The following SNX31 variants were observed in gnomAD, a reference collection of about 807,000 sequenced individuals.
SNX31 encodes sorting nexin 31, also known as sorting nexin-31.
Under a neutral mutation model 65.4 loss-of-function variants are expected in SNX31, and 58 were observed. The observed-to-expected ratio is 0.89, with a 90% CI of 0.72 to 1.10. The LOEUF (loss-of-function observed/expected upper bound fraction) is 1.10. Ranked by LOEUF, SNX31 falls within the 50% of genes least tolerant of loss-of-function variation. SNX31 has a pLI of 0.00. For missense variants in SNX31, 523 were observed against 529.7 expected, an observed-to-expected ratio of 0.99 and a Z score of 0.12; for synonymous variants, 181 against 190.1, an observed-to-expected ratio of 0.95 and a Z score of 0.39.
In SNX31 at chr8:100,615,832, C is replaced by T. The variant is rs563661041; in HGVS notation, c.432+1788G>A. On this transcript the variant is annotated intron_variant, in intron 5 of 13. Transcript: ENST00000311812. ...TCGCCCAGGCTGGAGTGCAGTGGCGCGATCTCGGCTCACTGCAAGCTCCGC... is the reference window on the plus strand; with the variant it reads ...TCGCCCAGGCTGGAGTGCAGTGGCGTGATCTCGGCTCACTGCAAGCTCCGC... Among the ~76,000 whole-genome samples, 9 of 152,254 alleles carry T rather than the reference C, an allele frequency of 5.9e-5. No homozygotes were observed. The East Asian group carries it at 1.3e-3, about 23-fold the overall frequency.
chr8:100,618,420 T>C lies in SNX31; in HGVS notation c.322-690A>G, dbSNP rs192853079. 40 of 1,060,240 alleles carry C rather than the reference T, an allele frequency of 3.8e-5. No homozygotes were observed. In the African/African-American group the frequency reaches 4.8e-4, roughly 13 times the overall value. 65.7% of individuals were successfully genotyped at this position (1,060,240 alleles called of 1,614,324 possible). ...TGGGTGGGGGCAGGGGGAAGGTGTTTCCATGTAGCAACCAATTCTCCAGTT... is the reference window on the plus strand; with the variant it reads ...TGGGTGGGGGCAGGGGGAAGGTGTTCCCATGTAGCAACCAATTCTCCAGTT... On this transcript the variant is annotated intron_variant, in intron 4 of 13. Coordinates refer to ENST00000311812, the MANE Select transcript of SNX31 (RefSeq NM_152628.4).
At chr8:100,581,142 A>AG (rs1181844029) in intron 12 of SNX31, among the ~76,000 whole-genome samples, 2 of 151,134 alleles carry the variant, frequency 1.3e-5, no homozygotes, top group African/African-American at 4.9e-5. Context: ...CAAAAAAAAA[A>AG]AAAAAAATTA....
Position 100,649,494 on chromosome 8 carries a change from G to T in SNX31, c.21C>A (p.Ile7=). 6.3e-7 allele frequency: 1 copy of T among 1,578,450 alleles called. No homozygotes were observed. Among genetic ancestry groups the T allele is most frequent in the South Asian group, 1.2e-5 (1 of 86,340 alleles). The change falls in exon 1 of 14, where the codon ATC becomes ATA. Residue 7 remains isoleucine, a synonymous_variant. Transcript: ENST00000311812. ...CGTCGGACCGCTGCTGGGACACCGGGATACAGAAATGCATCTTCATGGCTG... is the reference window on the plus strand; with the variant it reads ...CGTCGGACCGCTGCTGGGACACCGGTATACAGAAATGCATCTTCATGGCTG... MKMHFC[I]PVSQQRSDAL...
Position 100,588,277 on chromosome 8 carries a change from G to A in SNX31, c.1092+589C>T, listed in dbSNP as rs1054032031. ...AAATCTGCAATTGGAAACAATTCTG[G>A]TGCTAAGCATTTGGGATAAGGGATA... On this transcript the variant is annotated intron_variant, in intron 11 of 13. Coordinates refer to ENST00000311812, the MANE Select transcript of SNX31 (RefSeq NM_152628.4). The surrounding 1 kb of genome is among the most constrained non-coding windows in gnomAD (Gnocchi z 4.8). Among the ~76,000 whole-genome samples the A allele has an allele frequency of 3.9e-5, 6 of 152,148 alleles. No individual in the cohort carries two copies. Among genetic ancestry groups the A allele is most frequent in the Non-Finnish European group, 7.4e-5 (5 of 68,016 alleles).
At chr8:100,586,504 G>A (rs1462897300) in intron 11 of SNX31, among the ~76,000 whole-genome samples, 1 of 152,146 alleles carries the variant, frequency 6.6e-6, no homozygotes, top group African/African-American at 2.4e-5. Flanking sequence ...CTACTGCCTA[G>A]ATTGAAAAAT....
At chr8:100,662,843 A>C (rs1190755464) in intron 1 of SNX31, among the ~76,000 whole-genome samples, 1 of 152,232 alleles carries the variant, frequency 6.6e-6, no homozygotes, top group East Asian at 1.9e-4. Flanking sequence ...TGCTAGAAAT[A>C]TTTGTTCCCA....
rs752425672 is a variant in SNX31, at chr8:100,573,926, C to CTTTTTTTTTTTT, written c.1261_1262insAAAAAAAAAAAA (p.Lys420_Ser421insLysLysLysLys). The stretch of plus-strand genomic sequence containing the variant: ...GTCATCTTTAGCTATCTTAATCTTG[C>CTTTTTTTTTTTT]TTTTTCTTGATAGAAAACTAGAATA... On this transcript the variant is annotated inframe_insertion, in exon 14 of 14. Transcript: ENST00000311812. The CTTTTTTTTTTTT allele has an allele frequency of 1.3e-6, 2 of 1,587,006 alleles. No individual in the cohort carries two copies. The highest frequency in any genetic ancestry group is 2.3e-5 in the East Asian group (1 of 42,846).
rs747553446 is a variant in SNX31 at position 100,613,131 on chromosome 8, C to T, written c.433-46G>A. On this transcript the variant is annotated intron_variant, in intron 5 of 13. Transcript: ENST00000311812. This position sits in a 1 kb window ranked among gnomAD's most constrained non-coding sequence, Gnocchi z 5.2. ...AAAGGGAAAAAGTTAGGTGTGCCCA[C>T]CATGCATCCTAACTGTGACATGCAG... The T allele has an allele frequency of 1.1e-4, 166 of 1,453,740 alleles. No individual in the cohort carries two copies. Among genetic ancestry groups the T allele is most frequent in the Non-Finnish European group, 1.5e-4 (151 of 1,034,782 alleles). The allele number at this position is 1,453,740 out of a possible 1,614,324, so 90.1% of individuals were successfully genotyped here.
At chr8:100,637,029 C>T (rs1465582176) in intron 2 of SNX31, among the ~76,000 whole-genome samples, 1 of 152,092 alleles carries the variant, frequency 6.6e-6, no homozygotes, top group Non-Finnish European at 1.5e-5. Flanking sequence ...CCGGGTGACT[C>T]ACATTATATT....
At chr8:100,597,236 G>T (rs904810598) in intron 9 of SNX31, among the ~76,000 whole-genome samples, 2 of 151,720 alleles carry the variant, frequency 1.3e-5, no homozygotes, top group East Asian at 3.9e-4. Flanking sequence ...AAACAAAAAA[G>T]TGTACATTGG....
chr8:100,615,476 C>A (rs956327511), intron 5 of SNX31, among the ~76,000 whole-genome samples: 1 of 152,196 alleles, frequency 6.6e-6, no homozygotes, highest in African/African-American at 2.4e-5. Context: ...ATTCACACAG[C>A]CCTTACACAG....
chr8:100,630,704 G>C lies in SNX31; in HGVS notation c.257-313C>G, dbSNP rs1441821448. On this transcript the variant is annotated intron_variant, in intron 3 of 13. Coordinates refer to ENST00000311812, the MANE Select transcript of SNX31 (RefSeq NM_152628.4). The surrounding 1 kb of genome is among the most constrained non-coding windows in gnomAD (Gnocchi z 5.3). ...AGGATGATAATGAAGTTTATATGAAGAATCAGAAAGATCTTAAAACCTGCA... is the reference window on the plus strand; with the variant it reads ...AGGATGATAATGAAGTTTATATGAACAATCAGAAAGATCTTAAAACCTGCA... Among the ~76,000 whole-genome samples, 1 of 152,190 alleles carries C rather than the reference G, an allele frequency of 6.6e-6. No homozygotes were observed. The highest frequency in any genetic ancestry group is 2.4e-5 in the African/African-American group (1 of 41,434).
At chr8:100,586,664 C>G (rs1010297760) in intron 11 of SNX31, among the ~76,000 whole-genome samples, 1 of 152,194 alleles carries the variant, frequency 6.6e-6, no homozygotes, top group Admixed American at 6.5e-5. Flanking sequence ...TAAGGTGGAC[C>G]TAAGGACCCA....
rs184710373 is a variant in SNX31 at position 100,594,717 on chromosome 8, A to T, written c.978+1922T>A. Among the ~76,000 whole-genome samples the T allele has an allele frequency of 6.6e-6, 1 of 152,240 alleles. No individual in the cohort carries two copies. Among genetic ancestry groups the T allele is most frequent in the East Asian group, 1.9e-4 (1 of 5,200 alleles). The stretch of plus-strand genomic sequence containing the variant: ...GGTGGGAATGTAAAATGATGTAGCC[A>T]TTCTCAAAAACAATTCGGCAGTTTC... On this transcript the variant is annotated intron_variant, in intron 10 of 13. Coordinates refer to ENST00000311812, the MANE Select transcript of SNX31 (RefSeq NM_152628.4). The surrounding 1 kb of genome is among the most constrained non-coding windows in gnomAD (Gnocchi z 4.0).
intron 1 of SNX31, among the ~76,000 whole-genome samples, chr8:100,658,309 C>G (rs537265997): frequency 6.6e-6 from 1 of 152,300 alleles, no homozygotes; most frequent in East Asian, 1.9e-4. Context: ...GTTAGAATCT[C>G]ATCCAAGCAG....
chr8:100,646,989 A>G (rs1180337549), intron 2 of SNX31, among the ~76,000 whole-genome samples: 1 of 152,180 alleles, frequency 6.6e-6, no homozygotes, highest in Non-Finnish European at 1.5e-5. Context: ...GTTAAATTGG[A>G]CTAATTCTAA....
chr8:100,662,013 C>G (rs1693545), intron 1 of SNX31, among the ~76,000 whole-genome samples: 40,772 of 151,874 alleles, frequency 0.27, 6,324 homozygotes, highest in African/African-American at 0.42. Context: ...TTAGTAGAGA[C>G]AGGGTTTCGC....
In SNX31 at chr8:100,583,939, A is replaced by G. The variant is rs528284809; in HGVS notation, c.1170+172T>C. Among the ~76,000 whole-genome samples, 285 of 152,342 alleles carry G rather than the reference A, an allele frequency of 1.9e-3. 6 individuals are homozygous for G. Among genetic ancestry groups the G allele is most frequent in the Middle Eastern group, 6.8e-3 (2 of 294 alleles). On this transcript the variant is annotated intron_variant, in intron 12 of 13. Coordinates refer to ENST00000311812, the MANE Select transcript of SNX31 (RefSeq NM_152628.4). ...AAGACAGGCTTCCTTCTGCCCTGCC[A>G]TCCTGACCACTGAGCTACCAGAGGG...
At chr8:100,654,732 G>T (rs1820029725) in intron 1 of SNX31, among the ~76,000 whole-genome samples, 1 of 152,236 alleles carries the variant, frequency 6.6e-6, no homozygotes, top group Admixed American at 6.5e-5. Context: ...TAAAGATGGG[G>T]CCGGGTGCAG....
Sources: gnomAD v4.1 joint callset for allele counts (sites outside exome capture counted in the v4.1 genomes callset) on GRCh38, gnomAD v4.1.1 for gene constraint, Gnocchi (gnomAD v3.1) non-coding constraint, MANE v1.5 for transcripts, NCBI Gene and HGNC (gene_info 2026-07-23, HGNC 2026-07-21) for gene names.